The following DEAF1 variants were observed in gnomAD, a reference collection of about 807,000 sequenced individuals.
DEAF1 encodes the protein deformed epidermal autoregulatory factor 1 homolog.
Under a neutral mutation model 58.9 loss-of-function variants are expected in DEAF1, and 53 were observed. The ratio of observed to expected loss-of-function variants is 0.90; its 90% CI spans 0.72 to 1.13. The LOEUF (loss-of-function observed/expected upper bound fraction) is 1.13. Ranked by LOEUF, DEAF1 falls within the 50% of genes most tolerant of loss-of-function variation. The pLI, the probability that DEAF1 is intolerant of heterozygous loss-of-function variation, is 0.00. For synonymous variants in DEAF1, 385 were observed against 340.4 expected, an observed-to-expected ratio of 1.13 and a Z score of -1.44; for missense variants, 685 against 791.4, an observed-to-expected ratio of 0.87 and a Z score of 1.61.
chr11:685,903 G>C (rs1192783789), intron 5 of DEAF1, among the ~76,000 whole-genome samples: 1 of 151,918 alleles, frequency 6.6e-6, no homozygotes, highest in Non-Finnish European at 1.5e-5. Context: ...CCAGCACTTT[G>C]AGAGGCGAGG....
At chr11:705,327 G>C in intron 1 of DEAF1, 1 of 157,878 alleles carries the variant, frequency 6.3e-6, no homozygotes, top group Non-Finnish European at 1.4e-5. Flanking sequence ...TGTGGCAGCC[G>C]GTGCTACCCG....
chr11:692,612 G>T (rs909900396), intron 1 of DEAF1, among the ~76,000 whole-genome samples: 2 of 152,202 alleles, frequency 1.3e-5, no homozygotes, highest in African/African-American at 4.8e-5. Context: ...CAGCACTGTG[G>T]GATGCCAAGG....
At chr11:674,044 C>G (rs1198528754) in intron 10 of DEAF1, 1 of 238,970 alleles carries the variant, frequency 4.2e-6, no homozygotes, top group Non-Finnish European at 8.3e-6. Flanking sequence ...TGTGAGCCTC[C>G]CACCATGCAC....
intron 1 of DEAF1, chr11:704,992 G>A (rs927262320): frequency 1.2e-5 from 3 of 255,628 alleles, no homozygotes; most frequent in African/African-American, 6.7e-5. Context: ...GATCACGGCA[G>A]GTTCCTGGAG....
At chr11:650,613 G>C (rs1165895458) in intron 11 of DEAF1, among the ~76,000 whole-genome samples, 2 of 151,778 alleles carry the variant, frequency 1.3e-5, no homozygotes, top group Non-Finnish European at 2.9e-5. Context: ...CCAAAGTGTT[G>C]GGATGACTGG....
chr11:664,379 G>A (rs1187579936), intron 10 of DEAF1, among the ~76,000 whole-genome samples: 5 of 152,130 alleles, frequency 3.3e-5, no homozygotes, highest in Non-Finnish European at 7.4e-5. Flanking sequence ...AGACAGAAAC[G>A]GTATCACATT....
rs1453252274 is a variant in DEAF1, at chr11:694,778, G to C, written c.270C>G (p.Ala90=). Residue 90 remains alanine, a synonymous_variant, in exon 1 of 12, where the codon GCC becomes GCG. Coordinates refer to ENST00000382409, the MANE Select transcript of DEAF1 (RefSeq NM_021008.4). Reference sequence around the variant, plus strand: ...ACTTGCCTGCGAAGGCTGCGGCAGCGGCGGCCTCGTCGGGGCCGGGCAGGG... The same window carrying C: ...ACTTGCCTGCGAAGGCTGCGGCAGCCGCGGCCTCGTCGGGGCCGGGCAGGG... The part of the protein sequence containing the change: ...AEALPGPDEA[A]AAAAFAEVTT... The C allele has an allele frequency of 1.5e-6, 2 of 1,332,766 alleles. No individual in the cohort carries two copies. 82.6% of individuals were successfully genotyped at this position (1,332,766 alleles called of 1,614,324 possible). A position where few individuals can be genotyped will look rare whatever the true frequency, so the allele number is the denominator to read the frequency against.
intron 10 of DEAF1, among the ~76,000 whole-genome samples, chr11:658,477 C>A (rs1343041208): frequency 6.6e-6 from 1 of 152,218 alleles, no homozygotes; most frequent in Admixed American, 6.5e-5. Flanking sequence ...GGTGTGTGTG[C>A]GTTGCAGAAG....
chr11:660,527 G>C lies in DEAF1; in HGVS notation c.1504-6476C>G, dbSNP rs573698922. 7.2e-5 allele frequency among the ~76,000 whole-genome samples: 11 copies of C among 152,346 alleles called. No individual in the cohort carries two copies. The East Asian group carries it at 1.9e-3, about 27-fold the overall frequency. On this transcript the variant is annotated intron_variant, in intron 10 of 11. Coordinates refer to ENST00000382409, the MANE Select transcript of DEAF1 (RefSeq NM_021008.4). ...CCACAACACCCCTGGCTCCCTCGGG[G>C]GACTCCAAGCCTGCATTTCCGGGGG...
intron 11 of DEAF1, among the ~76,000 whole-genome samples, chr11:649,119 T>C (rs1423578595): frequency 3.3e-5 from 5 of 151,800 alleles, no homozygotes; most frequent in African/African-American, 9.7e-5. Flanking sequence ...GGCATGGTGG[T>C]GCATGCCTGT....
chr11:684,369 G>C (rs1860496082), intron 6 of DEAF1, among the ~76,000 whole-genome samples: 2 of 151,906 alleles, frequency 1.3e-5, no homozygotes, highest in African/African-American at 2.4e-5. Flanking sequence ...AGTGAGCCGA[G>C]ACCGCGCCAC....
Position 688,735 on chromosome 11 carries a change from GA to G in DEAF1, c.388-276del, listed in dbSNP as rs1444530350. ...AGGAAGAAAGGTGCTCCACAAACAA[GA>G]AACACCCTCCCTTCCACCTGAGCCG... On this transcript the variant is annotated intron_variant, in intron 2 of 11. Transcript: ENST00000382409. The surrounding 1 kb of genome is among the most constrained non-coding windows in gnomAD (Gnocchi z 4.3). 6.6e-6 allele frequency among the ~76,000 whole-genome samples: 1 copy of G among 152,130 alleles called. No individual in the cohort carries two copies.
At chr11:690,432 T>C (rs1329728794) in intron 2 of DEAF1, among the ~76,000 whole-genome samples, 2 of 151,200 alleles carry the variant, frequency 1.3e-5, no homozygotes, top group Non-Finnish European at 2.9e-5. Context: ...GTTTTCTGTT[T>C]GCTGCCATTC....
At chr11:697,398 A>G (rs1316356573), upstream of DEAF1, 1 of 152,274 alleles carries the variant, frequency 6.6e-6, no homozygotes, top group Non-Finnish European at 1.5e-5. Context: ...ATAGTAAGTC[A>G]CTGACAAAAA....
At chr11:704,268 G>T in intron 1 of DEAF1, 1 of 709,896 alleles carries the variant, frequency 1.4e-6, no homozygotes, top group East Asian at 6.7e-5. Flanking sequence ...TCCGCTCGGT[G>T]GACTCCTGAG....
intron 10 of DEAF1, among the ~76,000 whole-genome samples, chr11:670,551 C>G (rs970981195): frequency 7.9e-5 from 12 of 151,558 alleles, no homozygotes; most frequent in Non-Finnish European, 1.8e-4. Context: ...CTCTTCTCTC[C>G]TAAAATACCA....
intron 11 of DEAF1, among the ~76,000 whole-genome samples, chr11:651,619 C>G (rs1277231967): frequency 6.6e-6 from 1 of 152,138 alleles, no homozygotes; most frequent in East Asian, 1.9e-4. Context: ...CACGGTGGCT[C>G]ACGCCTGTAA....
In DEAF1 at chr11:669,952, A is replaced by T. The variant is rs1189650681; in HGVS notation, c.1503+4584T>A. Among the ~76,000 whole-genome samples, 10 of 138,778 alleles carry T rather than the reference A, an allele frequency of 7.2e-5. 1 individual carries two copies. The Admixed American group carries it at 7.4e-4, about 10-fold the overall frequency. The allele number at this position is 138,778 out of a possible 152,430, so 91.0% of individuals were successfully genotyped here. On this transcript the variant is annotated intron_variant, in intron 10 of 11. Transcript: ENST00000382409. Reference sequence around the variant, plus strand: ...CAAAAAAAAAAAAAAAAAAAAAAAAAGAAACCCCATCTTTACAAAAAATAC... The same window carrying T: ...CAAAAAAAAAAAAAAAAAAAAAAAATGAAACCCCATCTTTACAAAAAATAC...
chr11:699,442 C>T (rs2133459508), upstream of DEAF1: 1 of 153,966 alleles, frequency 6.5e-6, no homozygotes, highest in East Asian at 1.9e-4. Flanking sequence ...AAATATATTT[C>T]CTCTGAAGAA....
Sources: gnomAD v4.1 joint callset for allele counts (sites outside exome capture counted in the v4.1 genomes callset) on GRCh38, gnomAD v4.1.1 for gene constraint, Gnocchi (gnomAD v3.1) non-coding constraint, MANE v1.5 for transcripts, NCBI Gene and HGNC (gene_info 2026-07-23, HGNC 2026-07-21) for gene names.